Variants in PPP2R5C observed in about 807,000 individuals in gnomAD.
The protein encoded by PPP2R5C is serine/threonine-protein phosphatase 2A 56 kDa regulatory subunit gamma isoform.
In PPP2R5C, 7 loss-of-function variants were observed where a neutral mutation model predicts 68.9. That is an observed-to-expected ratio of 0.10 (90% confidence interval 0.06 to 0.19). The LOEUF is 0.19. Ranked by LOEUF, PPP2R5C falls within the 10% of genes least tolerant of loss-of-function variation. The probability of loss-of-function intolerance (pLI) is 1.00; values close to 1 mark genes in which losing one functional copy is unlikely to be tolerated. For missense variants in PPP2R5C, 348 were observed against 641.3 expected, an observed-to-expected ratio of 0.54 and a Z score of 4.94; for synonymous variants, 210 against 222.2, an observed-to-expected ratio of 0.95 and a Z score of 0.49.
intron 1 of PPP2R5C, chr14:101,821,071 CCT>C (rs1394124054): frequency 1.3e-5 from 2 of 149,822 alleles, no homozygotes; most frequent in Non-Finnish European, 3.0e-5. Flanking sequence ...TGGTTTTTTC[CCT>C]CTTTTCTCTA....
At chr14:101,785,328 G>A (rs2038042358) in intron 2 of PPP2R5C, among the ~76,000 whole-genome samples, 1 of 152,112 alleles carries the variant, frequency 6.6e-6, no homozygotes, top group Non-Finnish European at 1.5e-5. Context: ...AACTTACTAT[G>A]TTACCGTTCT....
At chr14:101,856,072 C>T (rs1220192217) in intron 1 of PPP2R5C, among the ~76,000 whole-genome samples, 1 of 152,146 alleles carries the variant, frequency 6.6e-6, no homozygotes, top group Non-Finnish European at 1.5e-5. Context: ...CTTGGTGGGG[C>T]TCTAAGGTGC....
At chr14:101,765,019 GT>G in intron 2 of PPP2R5C, 2 of 607,016 alleles carry the variant, frequency 3.3e-6, no homozygotes. Flanking sequence ...AAAAATCTCA[GT>G]AGTTCAAAGA....
In PPP2R5C at chr14:101,917,942, C is replaced by T. The variant is rs1316343431; in HGVS notation, c.1438C>T (p.His480Tyr). ...GAGAAAGACAGTGAAGGACGAGGCT[C>T]ATCAGGTAAAAGTGCACCGAGCTCA... Residue 480 changes from histidine (H) to tyrosine (Y), a missense_variant, in exon 13 of 14, where the codon CAT becomes TAT. Coordinates refer to ENST00000334743, the Ensembl canonical transcript of PPP2R5C. This position sits in a 1 kb window ranked among gnomAD's most constrained non-coding sequence, Gnocchi z 4.4. The T allele has an allele frequency of 1.2e-6, 2 of 1,613,724 alleles. No individual in the cohort carries two copies. Among genetic ancestry groups the T allele is most frequent in the Admixed American group, 1.7e-5 (1 of 59,986 alleles).
intron 2 of PPP2R5C, among the ~76,000 whole-genome samples, chr14:101,769,936 T>C (rs2037061765): frequency 6.6e-6 from 1 of 152,226 alleles, no homozygotes; most frequent in South Asian, 2.1e-4. Context: ...ACCTAGGTGG[T>C]AGTCTGCTAC....
intron 1 of PPP2R5C, among the ~76,000 whole-genome samples, chr14:101,837,612 G>T (rs912338608): frequency 1.3e-5 from 2 of 152,196 alleles, no homozygotes; most frequent in African/African-American, 2.4e-5. Flanking sequence ...GTCCCTTGGG[G>T]CAGAGAAGAG....
chr14:101,794,311 A>G (rs1194111408), intron 3 of PPP2R5C, among the ~76,000 whole-genome samples: 2 of 152,176 alleles, frequency 1.3e-5, no homozygotes, highest in African/African-American at 2.4e-5. Flanking sequence ...TCTCTTAAAC[A>G]GTTCCCAAAA....
chr14:101,853,795 G>A (rs1404898700), intron 1 of PPP2R5C, among the ~76,000 whole-genome samples: 1 of 152,064 alleles, frequency 6.6e-6, no homozygotes, highest in Non-Finnish European at 1.5e-5. Flanking sequence ...CTGTTAGGAG[G>A]ATTTGGCGAG....
chr14:101,767,843 A>G (rs1473158793), intron 2 of PPP2R5C, among the ~76,000 whole-genome samples: 3 of 152,122 alleles, frequency 2.0e-5, no homozygotes, highest in African/African-American at 7.2e-5. Context: ...TAGGAGGCAG[A>G]TGTCCTGAGC....
upstream of PPP2R5C, among the ~76,000 whole-genome samples, chr14:101,761,519 G>C (rs989250503): frequency 2.0e-4 from 29 of 148,260 alleles, no homozygotes; most frequent in African/African-American, 7.2e-4. Context: ...GGGAGCGTTA[G>C]GGTACGTGGG....
At chr14:101,763,624 G>A (rs1377609454) in intron 2 of PPP2R5C, among the ~76,000 whole-genome samples, 6 of 152,026 alleles carry the variant, frequency 3.9e-5, no homozygotes, top group East Asian at 1.9e-4. Context: ...CTCGTGACCC[G>A]CCCACCTTGG....
At chr14:101,881,802 T>A (rs542021862) in intron 2 of PPP2R5C, among the ~76,000 whole-genome samples, 2 of 152,374 alleles carry the variant, frequency 1.3e-5, no homozygotes, top group East Asian at 3.9e-4. Context: ...ATCCCTTTCT[T>A]ACTCTCATTT....
chr14:101,902,116 A>T (rs1316615918), intron 9 of PPP2R5C, among the ~76,000 whole-genome samples: 1 of 152,222 alleles, frequency 6.6e-6, no homozygotes, highest in Non-Finnish European at 1.5e-5. Context: ...AAGAGCAGTC[A>T]TCTGGCTTCT....
intron 1 of PPP2R5C, among the ~76,000 whole-genome samples, chr14:101,847,560 A>G (rs920269670): frequency 4.6e-5 from 7 of 151,498 alleles, no homozygotes; most frequent in African/African-American, 1.5e-4. Context: ...CTTTTAATGT[A>G]TCTATCATCA....
At chr14:101,860,963 C>G (rs895173684) in intron 2 of PPP2R5C, among the ~76,000 whole-genome samples, 1 of 152,164 alleles carries the variant, frequency 6.6e-6, no homozygotes, top group African/African-American at 2.4e-5. Context: ...CGTGCAGTTT[C>G]CCAGGCCTAA....
chr14:101,884,282 G>C (rs1357986739), intron 5 of PPP2R5C, among the ~76,000 whole-genome samples: 1 of 152,184 alleles, frequency 6.6e-6, no homozygotes, highest in Non-Finnish European at 1.5e-5. Flanking sequence ...TGCCCACCCA[G>C]GTTAAGGATG....
chr14:101,891,165 G>A lies in PPP2R5C; in HGVS notation c.689+869G>A, dbSNP rs2044875246. On this transcript the variant is annotated intron_variant, in intron 6 of 13. Transcript: ENST00000334743. The surrounding 1 kb of genome is among the most constrained non-coding windows in gnomAD (Gnocchi z 4.9). Reference sequence around the variant, plus strand: ...TCAGGGTCCCATGGTTAGTAAGTGTGGAAGTGCTTTTTCCTGCACCTTTTT... The same window carrying A: ...TCAGGGTCCCATGGTTAGTAAGTGTAGAAGTGCTTTTTCCTGCACCTTTTT... Among the ~76,000 whole-genome samples, 1 of 152,116 alleles carries A rather than the reference G, an allele frequency of 6.6e-6. No homozygotes were observed. The highest frequency in any genetic ancestry group is 1.5e-5 in the Non-Finnish European group (1 of 68,036).
At chr14:101,800,590 A>G (rs927074351) in intron 3 of PPP2R5C, among the ~76,000 whole-genome samples, 5 of 151,608 alleles carry the variant, frequency 3.3e-5, no homozygotes, top group Non-Finnish European at 7.4e-5. Context: ...AAAAATATAT[A>G]TAAAATAAAA....
chr14:101,850,151 G>A (rs763719347), intron 1 of PPP2R5C, among the ~76,000 whole-genome samples: 6 of 152,158 alleles, frequency 3.9e-5, no homozygotes, highest in South Asian at 2.1e-4. Flanking sequence ...CCTCTGAGTC[G>A]GGGATGGGTG....
Sources: allele counts gnomAD v4.1 joint callset (sites outside exome capture counted in the v4.1 genomes callset), GRCh38; gene constraint gnomAD v4.1.1; non-coding constraint Gnocchi (gnomAD v3.1); transcripts MANE v1.5; gene names NCBI Gene and HGNC (gene_info 2026-07-23, HGNC 2026-07-21).